The following NFX1 variants were observed in gnomAD, a reference collection of about 807,000 sequenced individuals.
NFX1 encodes nuclear transcription factor, X-box binding 1.
NFX1 carries 69 observed loss-of-function variants against 137.2 expected under a neutral mutation model. The ratio of observed to expected loss-of-function variants is 0.50; its 90% CI spans 0.41 to 0.61. The LOEUF (loss-of-function observed/expected upper bound fraction) is 0.61. Ranked by LOEUF, NFX1 falls within the 20% of genes least tolerant of loss-of-function variation. NFX1 has a pLI of 0.00. For synonymous variants in NFX1, 495 were observed against 474.1 expected (o/e 1.04, Z -0.57); for missense variants, 1,167 against 1,391.0 (o/e 0.84, Z 2.56).
chr9:33,344,831 A>T (rs1303253005), intron 14 of NFX1, among the ~76,000 whole-genome samples: 1 of 148,168 alleles, frequency 6.7e-6, no homozygotes, highest in Non-Finnish European at 1.5e-5. Flanking sequence ...GCACCACTGC[A>T]CTCCAGCCTG....
intron 4 of NFX1, among the ~76,000 whole-genome samples, chr9:33,305,163 C>T (rs1488679353): frequency 6.6e-6 from 1 of 152,224 alleles, no homozygotes; most frequent in East Asian, 1.9e-4. Flanking sequence ...CCAGAGCTTA[C>T]AGTCTAAGAG....
intron 23 of NFX1, among the ~76,000 whole-genome samples, chr9:33,369,012 C>T (rs1587886898): frequency 6.6e-6 from 1 of 152,168 alleles, no homozygotes; most frequent in Non-Finnish European, 1.5e-5. Context: ...TCCAGTCCTG[C>T]TTAGACACAA....
chr9:33,348,173 A>T (rs1238976464), intron 15 of NFX1: 2 of 150,618 alleles, frequency 1.3e-5, no homozygotes, highest in Admixed American at 6.6e-5. Context: ...ACAAGGTGAG[A>T]CCCCCCCCAT....
intron 20 of NFX1, 38 bp downstream of exon 20, chr9:33,364,146 G>A (rs201176604): frequency 2.0e-6 from 3 of 1,469,738 alleles, no homozygotes; most frequent in Non-Finnish European, 2.8e-6. Flanking sequence ...ATTGTGGCTT[G>A]TCAGGGTGTT....
chr9:33,349,176 G>C (rs370839106), intron 15 of NFX1, among the ~76,000 whole-genome samples: 1 of 152,142 alleles, frequency 6.6e-6, no homozygotes, highest in African/African-American at 2.4e-5. Flanking sequence ...CTATGTGCTA[G>C]GTAACAGGCT....
Position 33,338,515 on chromosome 9 carries a change from A to G in NFX1, c.2041A>G (p.Thr681Ala), listed in dbSNP as rs759796113. 3 of 1,607,722 alleles carry G rather than the reference A, an allele frequency of 1.9e-6. No individual in the cohort carries two copies. The highest frequency in any genetic ancestry group is 1.3e-5 in the African/African-American group (1 of 74,266). Residue 681 changes from threonine (T) to alanine (A), a missense_variant, in exon 12 of 24, where the codon ACA (threonine) becomes GCA (alanine). Coordinates refer to ENST00000379540, the MANE Select transcript of NFX1 (RefSeq NM_002504.6). ...PCTSLKSEDA[T>A]FMCDKRCNKK... ...TTTTTAATTTGCCACAGCAGATGCTACATTTATGTGTGACAAGCGGTGTAA... is the reference window on the plus strand; with the variant it reads ...TTTTTAATTTGCCACAGCAGATGCTGCATTTATGTGTGACAAGCGGTGTAA...
intron 10 of NFX1, among the ~76,000 whole-genome samples, 188 bp from the exon 11 acceptor site, chr9:33,332,283 CT>C (rs1226896011): frequency 6.6e-6 from 1 of 152,140 alleles, no homozygotes; most frequent in African/African-American, 2.4e-5. Context: ...CTGGAGTCCT[CT>C]TGTGAGTAAA....
chr9:33,352,540 ACT>A, intron 16 of NFX1, 104 bp from the exon 17 acceptor site: 1 of 945,364 alleles, frequency 1.1e-6, no homozygotes, highest in Non-Finnish European at 1.7e-6. Context: ...CCACCCACTG[ACT>A]CTCTAGTCTC....
intron 4 of NFX1, among the ~76,000 whole-genome samples, chr9:33,306,262 TGACA>T (rs1260291080): frequency 6.6e-6 from 1 of 152,210 alleles, no homozygotes; most frequent in Non-Finnish European, 1.5e-5. Flanking sequence ...TGTGTGACTC[TGACA>T]GAGTTGACGT....
At chr9:33,331,163 C>CA (rs998125512) in intron 10 of NFX1, among the ~76,000 whole-genome samples, 36 of 144,498 alleles carry the variant, frequency 2.5e-4, no homozygotes, top group Middle Eastern at 3.6e-3. Context: ...AAGACTGTCT[C>CA]AAAAAAAAAA....
chr9:33,364,070 A>G lies in NFX1; in HGVS notation c.2934A>G (p.Ser978=). ...EDSDPFNIRS[S]GSKFSDSLKE... The stretch of plus-strand genomic sequence containing the variant: ...CTGATCCTTTCAATATACGTTCTTC[A>G]GGGTCAAAATTCAGTGATAGTTTGA... Residue 978 remains serine (S), a synonymous_variant, in exon 20 of 24, where the codon TCA becomes TCG. Transcript: ENST00000379540. 1 of 1,605,652 alleles carries G rather than the reference A, an allele frequency of 6.2e-7. No homozygotes were observed. Among genetic ancestry groups the G allele is most frequent in the Non-Finnish European group, 8.5e-7 (1 of 1,176,646 alleles).
intron 19 of NFX1, among the ~76,000 whole-genome samples, chr9:33,361,138 T>G (rs546585139): frequency 2.6e-5 from 4 of 152,198 alleles, no homozygotes; most frequent in African/African-American, 9.6e-5. Flanking sequence ...TATATAATAT[T>G]GAGAAACTGA....
chr9:33,356,281 T>C (rs1236951867), intron 19 of NFX1, among the ~76,000 whole-genome samples: 2 of 152,250 alleles, frequency 1.3e-5, no homozygotes, highest in Non-Finnish European at 2.9e-5. Context: ...AGCCTCATTT[T>C]TGAAGTGCCT....
intron 17 of NFX1, chr9:33,353,023 G>C (rs145885236): frequency 2.1e-5 from 6 of 285,930 alleles, no homozygotes; most frequent in Non-Finnish European, 3.9e-5. Context: ...GATCACAGGC[G>C]TGAGCCACTA....
chr9:33,354,159 A>G lies in NFX1; in HGVS notation c.2803A>G (p.Ile935Val). Residue 935 changes from isoleucine (I) to valine (V), a missense_variant, in exon 18 of 24, where the codon ATT becomes GTT. Physicochemically the swap from Ile to Val is conservative, Grantham distance 29 (BLOSUM62 3). This residue lies in a region of NFX1 where 312 missense variants were observed against 312.8 expected (regional missense o/e 1.00). Coordinates refer to ENST00000379540, the MANE Select transcript of NFX1 (RefSeq NM_002504.6). ...AGGTTCAGTGGAGATCAGCAAGTTA[A>G]TTACCAAAAAGGAAGTTCATCAAGC... is the stretch of plus-strand genomic sequence containing the variant. Reference protein sequence around the residue: ...LGGSVEISKLITKKEVHQARL... With the variant: ...LGGSVEISKLVTKKEVHQARL... 6.2e-7 allele frequency: 1 copy of G among 1,613,674 alleles called. No individual in the cohort carries two copies. Among genetic ancestry groups the G allele is most frequent in the Non-Finnish European group, 8.5e-7 (1 of 1,179,832 alleles).
chr9:33,302,774 A>G (rs1242328942), intron 3 of NFX1, among the ~76,000 whole-genome samples: 1 of 151,414 alleles, frequency 6.6e-6, no homozygotes, highest in Non-Finnish European at 1.5e-5. Context: ...GGTTCAAGTG[A>G]TTCTTCTGCC....
At chr9:33,300,001 G>A (rs1821494143) in intron 2 of NFX1, among the ~76,000 whole-genome samples, 1 of 150,928 alleles carries the variant, frequency 6.6e-6, no homozygotes, top group Non-Finnish European at 1.5e-5. Context: ...GTGTGACCTT[G>A]GATAAATGAT....
Position 33,370,601 on chromosome 9 carries a change from A to T in NFX1, c.*623A>T, listed in dbSNP as rs1447319724. ...TTTCAATGTGATCAGTTCTAGACCT[A>T]GAAGGGGGTCAGGCTGCTTTACAGA... On this transcript the variant is annotated 3_prime_UTR_variant, in exon 24 of 24. Transcript: ENST00000379540. 1.3e-5 allele frequency: 2 copies of T among 152,298 alleles called. No homozygotes were observed. Among genetic ancestry groups the T allele is most frequent in the East Asian group, 3.8e-4 (2 of 5,204 alleles). 9.4% of individuals were successfully genotyped at this position (152,298 alleles called of 1,614,324 possible).
intron 9 of NFX1, among the ~76,000 whole-genome samples, 156 bp downstream of exon 9, chr9:33,319,283 A>C (rs1454519598): frequency 6.6e-6 from 1 of 152,202 alleles, no homozygotes; most frequent in Non-Finnish European, 1.5e-5. Context: ...TTTCCTCCTC[A>C]ACATATACTT....
Sources: allele counts gnomAD v4.1 joint callset (sites outside exome capture counted in the v4.1 genomes callset), GRCh38; gene constraint gnomAD v4.1.1; regional missense constraint gnomAD v4.1.1; transcripts MANE v1.5; gene names NCBI Gene and HGNC (gene_info 2026-07-23, HGNC 2026-07-21).